CADPS: variants seen among roughly 807,000 people sequenced by gnomAD.
The protein encoded by CADPS is calcium dependent secretion activator.
In CADPS, 57 loss-of-function variants were observed where a neutral mutation model predicts 167.3. The ratio of observed to expected loss-of-function variants is 0.34; its 90% CI spans 0.28 to 0.42. CADPS has a LOEUF of 0.42. CADPS is among the 20% of genes least tolerant of loss of function. The pLI is 1.00. For missense variants in CADPS, 1,414 were observed against 1,738.1 expected, an observed-to-expected ratio of 0.81 and a Z score of 3.32; for synonymous variants, 676 against 635.3, an observed-to-expected ratio of 1.06 and a Z score of -0.96.
intron 3 of CADPS, among the ~76,000 whole-genome samples, chr3:62,729,951 AC>A (rs139038056): frequency 0.098 from 14,833 of 151,750 alleles, 1,067 homozygotes; most frequent in African/African-American, 0.17. Flanking sequence ...AGCAAGTGAT[AC>A]CAAACTTTTG....
chr3:62,645,258 T>C (rs1177699346), intron 6 of CADPS, among the ~76,000 whole-genome samples: 1 of 152,112 alleles, frequency 6.6e-6, no homozygotes, highest in Non-Finnish European at 1.5e-5. Flanking sequence ...TATATATTGC[T>C]CGGGTGATGA....
At chr3:62,710,988 A>C (rs1306342863) in intron 3 of CADPS, among the ~76,000 whole-genome samples, 1 of 152,056 alleles carries the variant, frequency 6.6e-6, no homozygotes, top group African/African-American at 2.4e-5. Flanking sequence ...CCCCTCCCCC[A>C]GAAGCCAGTC....
chr3:62,515,965 A>G, intron 16 of CADPS, 94 bp downstream of exon 16: 1 of 1,475,926 alleles, frequency 6.8e-7, no homozygotes, highest in Non-Finnish European at 9.3e-7. Flanking sequence ...CAGACGGACC[A>G]CTGTTTTCAG....
At chr3:62,673,631 T>C (rs1262551403) in intron 3 of CADPS, among the ~76,000 whole-genome samples, 1 of 152,090 alleles carries the variant, frequency 6.6e-6, no homozygotes, top group Non-Finnish European at 1.5e-5. Context: ...AAAAGAAGAG[T>C]TATATTTTTC....
At chr3:62,612,050 T>A (rs2061576285) in intron 6 of CADPS, among the ~76,000 whole-genome samples, 1 of 152,226 alleles carries the variant, frequency 6.6e-6, no homozygotes, top group South Asian at 2.1e-4. Flanking sequence ...CTGCAGACAC[T>A]TAACAAATAT....
At chr3:62,636,404 T>A (rs922431851) in intron 6 of CADPS, among the ~76,000 whole-genome samples, 1 of 152,178 alleles carries the variant, frequency 6.6e-6, no homozygotes, top group Non-Finnish European at 1.5e-5. Flanking sequence ...AGCTGCCTCA[T>A]CCCAAACCAT....
chr3:62,830,123 T>C (rs374986645), intron 1 of CADPS, among the ~76,000 whole-genome samples: 2 of 152,160 alleles, frequency 1.3e-5, no homozygotes, highest in African/African-American at 4.8e-5. Flanking sequence ...TTTGAAATTG[T>C]TCCATTACAG....
chr3:62,668,805 T>C (rs769484819), intron 3 of CADPS, among the ~76,000 whole-genome samples: 7 of 152,118 alleles, frequency 4.6e-5, no homozygotes, highest in African/African-American at 7.2e-5. Context: ...TCTGGGTAAA[T>C]GCCTGGCAGA....
At position 62,779,625 on chromosome 3, in the gene CADPS, A is replaced by G. The variant is rs1359263258; in HGVS notation, c.442-13641T>C. On this transcript the variant is annotated intron_variant, in intron 1 of 29. Coordinates refer to ENST00000383710, the MANE Select transcript of CADPS (RefSeq NM_003716.4). ...CTTGAGGATGAAATCAGTGAGCTGC[A>G]TGCATTTTAAAGGCATAGGCTGTCT... 6.0e-5 allele frequency: 32 copies of G among 534,040 alleles called. No homozygotes were observed. The East Asian group carries it at 1.6e-3, about 27-fold the overall frequency. The allele number at this position is 534,040 out of a possible 1,614,324, so 33.1% of individuals were successfully genotyped here. A position where few individuals can be genotyped will look rare whatever the true frequency, so the allele number is the denominator to read the frequency against.
At chr3:62,649,682 T>G (rs1183160590) in intron 5 of CADPS, among the ~76,000 whole-genome samples, 1 of 148,054 alleles carries the variant, frequency 6.8e-6, no homozygotes, top group Admixed American at 6.9e-5. Flanking sequence ...CACCTCAGCC[T>G]CCCAAGGAGC....
intron 4 of CADPS, among the ~76,000 whole-genome samples, chr3:62,655,442 C>A (rs1328119618): frequency 1.3e-5 from 2 of 152,286 alleles, no homozygotes; most frequent in South Asian, 4.1e-4. Context: ...CTCTGTTGGC[C>A]ATTTATTTTT....
intron 8 of CADPS, among the ~76,000 whole-genome samples, chr3:62,578,936 G>C (rs779748813): frequency 1.3e-5 from 2 of 152,156 alleles, no homozygotes; most frequent in African/African-American, 2.4e-5. Flanking sequence ...TGGTGTCTTG[G>C]AGACCTATGA....
Position 62,478,554 on chromosome 3 carries a change from G to A in CADPS, c.3174-138C>T, listed in dbSNP as rs2150750598. On this transcript the variant is annotated intron_variant, in intron 22 of 29. Transcript: ENST00000383710. This position sits in a 1 kb window ranked among gnomAD's most constrained non-coding sequence, Gnocchi z 5.7. Reference sequence around the variant, plus strand: ...ACAACGTGTGTTGGCGGTGGAGGCGGGGGCGAGTCTCCACCGGCAGATTTT... The same window carrying A: ...ACAACGTGTGTTGGCGGTGGAGGCGAGGGCGAGTCTCCACCGGCAGATTTT... 1.3e-6 allele frequency: 1 copy of A among 757,522 alleles called. No homozygotes were observed. The highest frequency in any genetic ancestry group is 3.8e-4 in the Middle Eastern group (1 of 2,666). The allele number at this position is 757,522 out of a possible 1,614,324, so 46.9% of individuals were successfully genotyped here.
chr3:62,861,712 A>G (rs549965537), intron 1 of CADPS, among the ~76,000 whole-genome samples: 2 of 152,264 alleles, frequency 1.3e-5, no homozygotes, highest in East Asian at 3.9e-4. Context: ...GCAGTTCTCC[A>G]TTGCCTACAG....
At chr3:62,638,000 CG>C (rs1404455457) in intron 6 of CADPS, among the ~76,000 whole-genome samples, 4 of 151,590 alleles carry the variant, frequency 2.6e-5, no homozygotes, top group Admixed American at 2.0e-4. Flanking sequence ...ATGTCCCCTT[CG>C]TCCATCTAAA....
chr3:62,536,165 G>T, intron 12 of CADPS: 1 of 304,990 alleles, frequency 3.3e-6, no homozygotes, highest in East Asian at 5.6e-5. Context: ...TGCCAAACTC[G>T]ATTACCCTCT....
intron 5 of CADPS, among the ~76,000 whole-genome samples, chr3:62,646,347 T>C (rs1421719704): frequency 6.6e-6 from 1 of 151,688 alleles, no homozygotes; most frequent in Non-Finnish European, 1.5e-5. Flanking sequence ...TTTTTTTGTA[T>C]TTTTAGTAGA....
At chr3:62,838,413 A>T (rs576707880) in intron 1 of CADPS, among the ~76,000 whole-genome samples, 22 of 152,308 alleles carry the variant, frequency 1.4e-4, no homozygotes, top group Admixed American at 5.2e-4. Context: ...TCTAAGACAG[A>T]GGTAGGAAAA....
chr3:62,538,304 T>A (rs2075102998), intron 11 of CADPS, among the ~76,000 whole-genome samples: 1 of 152,104 alleles, frequency 6.6e-6, no homozygotes, highest in South Asian at 2.1e-4. Flanking sequence ...TTCTAGGGCA[T>A]GTGTGTGACT....
Sources: gnomAD v4.1 joint callset for allele counts (sites outside exome capture counted in the v4.1 genomes callset) on GRCh38, gnomAD v4.1.1 for gene constraint, Gnocchi (gnomAD v3.1) non-coding constraint, MANE v1.5 for transcripts, NCBI Gene and HGNC (gene_info 2026-07-23, HGNC 2026-07-21) for gene names.